DNTTIP2: variants seen among roughly 807,000 people sequenced by gnomAD.
DNTTIP2 encodes deoxynucleotidyltransferase terminal-interacting protein 2.
DNTTIP2 carries 47 observed loss-of-function variants against 62.4 expected under a neutral mutation model. The ratio of observed to expected loss-of-function variants is 0.75; its 90% CI spans 0.60 to 0.96. DNTTIP2 has a LOEUF of 0.96. DNTTIP2 is among the 40% of genes least tolerant of loss of function. The pLI is 0.00. For synonymous variants in DNTTIP2, 322 were observed against 300.9 expected, an observed-to-expected ratio of 1.07 and a Z score of -0.73; for missense variants, 870 against 849.1, an observed-to-expected ratio of 1.02 and a Z score of -0.31.
At chr1:93,871,379 C>T (rs12041975) in intron 5 of DNTTIP2, among the ~76,000 whole-genome samples, 58,710 of 152,050 alleles carry the variant, frequency 0.39, 11,865 homozygotes, top group East Asian at 0.62. Flanking sequence ...ACACTATAGA[C>T]GCTCTGAAGA....
In DNTTIP2 at chr1:93,877,688, T is replaced by C. The variant is rs771510906; in HGVS notation, c.247A>G (p.Thr83Ala). 1.2e-6 allele frequency: 2 copies of C among 1,613,854 alleles called. No homozygotes were observed. Among genetic ancestry groups the C allele is most frequent in the East Asian group, 2.2e-5 (1 of 44,900 alleles). Residue 83 changes from threonine (T) to alanine (A), a missense_variant, in exon 2 of 7, where the codon ACG (threonine) becomes GCG (alanine). Physicochemically the swap from Thr to Ala is moderately conservative, Grantham distance 58. Transcript: ENST00000436063. ...GSLPKGTEPS[T>A]DGETSEAESN... ...TCTGCCTCAGAGGTTTCTCCATCCG[T>C]AGATGGTTCAGTCCCCTTTGGTAGT... is the stretch of plus-strand genomic sequence containing the variant.
intron 4 of DNTTIP2, 30 bp from the exon 5 acceptor site, chr1:93,872,266 C>G: frequency 6.2e-7 from 1 of 1,607,790 alleles, no homozygotes; most frequent in African/African-American, 1.3e-5. Flanking sequence ...AATAAACATT[C>G]TAACAGCTAA....
Position 93,876,975 on chromosome 1 carries a change from C to T in DNTTIP2, c.960G>A (p.Leu320=). 6.2e-7 allele frequency: 1 copy of T among 1,612,878 alleles called. No homozygotes were observed. Among genetic ancestry groups the T allele is most frequent in the Non-Finnish European group, 8.5e-7 (1 of 1,179,650 alleles). The change falls in exon 2 of 7, where the codon CTG becomes CTA. Residue 320 remains leucine (L), a synonymous_variant. Transcript: ENST00000436063. The stretch of plus-strand genomic sequence containing the variant: ...TGTCCTGAAGTTCAGAAAGATTCTT[C>T]AGCTGAGAACTTTTCTCATTAATTT... ...GKEINEKSSQ[L]KNLSELQDTS... is the part of the protein sequence containing the mutation.
At chr1:93,878,366 T>A (rs1656071205) in intron 1 of DNTTIP2, among the ~76,000 whole-genome samples, 1 of 152,176 alleles carries the variant, frequency 6.6e-6, no homozygotes, top group African/African-American at 2.4e-5. Flanking sequence ...TTTACTTCAC[T>A]AGCCTCATCC....
rs756698276 is a variant in DNTTIP2, at chr1:93,869,096, T to G, written c.*755A>C. ...AAAGGAAGCTACAACTCACCAAGTA[T>G]CAACAGAAATGACCAACACTCCTTG... is the stretch of plus-strand genomic sequence containing the variant. On this transcript the variant is annotated 3_prime_UTR_variant, in exon 7 of 7. Coordinates refer to ENST00000436063, the MANE Select transcript of DNTTIP2 (RefSeq NM_014597.5). 1 of 152,116 alleles carries G rather than the reference T, an allele frequency of 6.6e-6. No individual in the cohort carries two copies. The highest frequency in any genetic ancestry group is 1.5e-5 in the Non-Finnish European group (1 of 68,040). The allele number at this position is 152,116 out of a possible 1,614,324, so 9.4% of individuals were successfully genotyped here. A position where few individuals can be genotyped will look rare whatever the true frequency, so the allele number is the denominator to read the frequency against.
At position 93,873,108 on chromosome 1, in the gene DNTTIP2, A is replaced by G. The variant is rs1655911699; in HGVS notation, c.1902+11T>C. On this transcript the variant is annotated intron_variant, in intron 4 of 6. Transcript: ENST00000436063. ...CATATCTAAGCATTTTAATTAAGTC[A>G]CTGTACTTACTCTGCGTTTTTTCTG... The G allele has an allele frequency of 6.4e-7, 1 of 1,572,488 alleles. No individual in the cohort carries two copies. The highest frequency in any genetic ancestry group is 2.2e-5 in the East Asian group (1 of 44,522).
rs1557719155 is a variant in DNTTIP2 at position 93,876,472 on chromosome 1, A to T, written c.1463T>A (p.Leu488Ter). The T allele has an allele frequency of 6.2e-7, 1 of 1,613,964 alleles. No homozygotes were observed. Among genetic ancestry groups the T allele is most frequent in the Non-Finnish European group, 8.5e-7 (1 of 1,179,882 alleles). Residue 488 changes from leucine to a stop codon, truncating the protein, a stop_gained, in exon 2 of 7, where the codon TTG becomes TAG. Coordinates refer to ENST00000436063, the MANE Select transcript of DNTTIP2 (RefSeq NM_014597.5). LOFTEE classifies it high-confidence loss of function. Reference protein sequence around the residue: ...DTGSLSCDNALFVIDTTPGMS... With the variant: ...DTGSLSCDNA ...TCCAGGAGTTGTGTCAATTACAAAC[A>T]ATGCATTGTCACATGACAGACTTCC...
intron 3 of DNTTIP2, among the ~76,000 whole-genome samples, chr1:93,873,607 A>G (rs555136983): frequency 1.2e-4 from 18 of 146,086 alleles, no homozygotes; most frequent in Non-Finnish European, 2.1e-4. Context: ...TCTCCCCCCA[A>G]ACCCAGCTCC....
Position 93,877,303 on chromosome 1 carries a change from T to G in DNTTIP2, c.632A>C (p.Lys211Thr), listed in dbSNP as rs748284000. 4 of 1,613,434 alleles carry G rather than the reference T, an allele frequency of 2.5e-6. No individual in the cohort carries two copies. In the African/African-American group the frequency reaches 5.3e-5, roughly 22 times the overall value. The change falls in exon 2 of 7, where the codon AAG becomes ACG. Residue 211 changes from lysine to threonine, a missense_variant. Lys to Thr is a moderately conservative substitution (Grantham distance 78). Transcript: ENST00000436063. ...ACTATCTTTCTTTTCAGTTTGTGCC[T>G]TTAATTTCCTCTGCATACTCCTGGT... ...RRTRSMQRKL[K>T]AQTEKKDSKI... is the part of the protein sequence containing the mutation.
intron 5 of DNTTIP2, among the ~76,000 whole-genome samples, chr1:93,871,214 C>A (rs1269459021): frequency 6.6e-6 from 1 of 152,184 alleles, no homozygotes; most frequent in Non-Finnish European, 1.5e-5. Flanking sequence ...ATACACTCAA[C>A]TGAATAAAAT....
chr1:93,877,586 A>G lies in DNTTIP2; in HGVS notation c.349T>C (p.Ser117Pro). The G allele has an allele frequency of 6.2e-7, 1 of 1,613,938 alleles. No individual in the cohort carries two copies. The highest frequency in any genetic ancestry group is 8.5e-7 in the Non-Finnish European group (1 of 1,179,888). The change falls in exon 2 of 7, where the codon TCC (serine) becomes CCC (proline). Residue 117 changes from serine (S) to proline (P), a missense_variant. Transcript: ENST00000436063. ...TRRRQILIACSPVSSVRKKPK... is the reference protein window; with the variant it reads ...TRRRQILIACPPVSSVRKKPK... ...TTTTTCCTAACACTGGACACTGGGGAGCATGCAATTAAGATCTGCCTTCTC... is the reference window on the plus strand; with the variant it reads ...TTTTTCCTAACACTGGACACTGGGGGGCATGCAATTAAGATCTGCCTTCTC...
rs189628526 is a variant in DNTTIP2, at chr1:93,876,430, T to G, written c.1505A>C (p.Asn502Thr). ...CTTGTCTTCCTCTTCCAAGTAAAAA[T>G]TTTTATCAGCACTCATTCCAGGAGT... is the stretch of plus-strand genomic sequence containing the variant. ...DTTPGMSADK[N>T]FYLEEEDKAS... The change falls in exon 2 of 7, where the codon AAT (asparagine) becomes ACT (threonine). Residue 502 changes from asparagine (N) to threonine (T), a missense_variant. By Grantham distance (65) the Asn-to-Thr change is moderately conservative. Transcript: ENST00000436063. The G allele has an allele frequency of 9.4e-5, 151 of 1,613,392 alleles. 2 individuals carry two copies. The African/African-American group carries it at 1.6e-3, about 17-fold the overall frequency.
intron 4 of DNTTIP2, among the ~76,000 whole-genome samples, chr1:93,872,583 T>A (rs1198785535): frequency 6.6e-6 from 1 of 152,184 alleles, no homozygotes; most frequent in African/African-American, 2.4e-5. Context: ...AAAAACACTT[T>A]CGTTTCTAGA....
chr1:93,879,131 A>G lies in DNTTIP2; in HGVS notation c.18T>C (p.Ser6=). Residue 6 remains serine, a synonymous_variant, in exon 1 of 7, where the codon TCT becomes TCC. Transcript: ENST00000436063. The part of the protein sequence containing the change: MVVTR[S]ARAKASIQAA... ...CTTGGATGCTGGCCTTAGCCCGTGC[A>G]GATCTGGTAACCACCATCTTTCCGG... is the stretch of plus-strand genomic sequence containing the variant. 6.2e-7 allele frequency: 1 copy of G among 1,613,500 alleles called. No homozygotes were observed. Among genetic ancestry groups the G allele is most frequent in the Non-Finnish European group, 8.5e-7 (1 of 1,179,818 alleles).
rs1177500798 is a variant in DNTTIP2 at position 93,877,606 on chromosome 1, C to G, written c.329G>C (p.Arg110Thr). ...TGGGGAGCATGCAATTAAGATCTGC[C>G]TTCTCCTAGTTACCCTTAAAATGGT... ...HDTILRVTRR[R>T]QILIACSPVS... The change falls in exon 2 of 7, where the codon AGG becomes ACG. Residue 110 changes from arginine (R) to threonine (T), a missense_variant. Transcript: ENST00000436063. The G allele has an allele frequency of 6.2e-7, 1 of 1,613,858 alleles. No individual in the cohort carries two copies. Among genetic ancestry groups the G allele is most frequent in the Non-Finnish European group, 8.5e-7 (1 of 1,179,894 alleles).
At chr1:93,877,917 G>A (rs1236049143) in intron 1 of DNTTIP2, 55 bp from the exon 2 acceptor site, 5 of 1,531,178 alleles carry the variant, frequency 3.3e-6, no homozygotes, top group Non-Finnish European at 2.6e-6. Flanking sequence ...CAAGGGCAAA[G>A]CAAATGAAAT....
chr1:93,867,860 A>C lies in DNTTIP2; in HGVS notation c.*1991T>G, dbSNP rs1016983067. On this transcript the variant is annotated 3_prime_UTR_variant, in exon 7 of 7. Coordinates refer to ENST00000436063, the MANE Select transcript of DNTTIP2 (RefSeq NM_014597.5). ...GAGAACAGACATAGATGCTTCCCTAACTCCAACTATGAATGTTATTGTCAG... is the reference window on the plus strand; with the variant it reads ...GAGAACAGACATAGATGCTTCCCTACCTCCAACTATGAATGTTATTGTCAG... 6.6e-6 allele frequency: 1 copy of C among 151,882 alleles called. No homozygotes were observed. The highest frequency in any genetic ancestry group is 1.5e-5 in the Non-Finnish European group (1 of 68,010). The allele number at this position is 151,882 out of a possible 1,614,324, so 9.4% of individuals were successfully genotyped here.
Position 93,877,206 on chromosome 1 carries a change from T to G in DNTTIP2, c.729A>C (p.Gln243His), listed in dbSNP as rs1000642110. The G allele has an allele frequency of 2.5e-6, 4 of 1,613,742 alleles. No homozygotes were observed. The highest frequency in any genetic ancestry group is 3.4e-6 in the Non-Finnish European group (4 of 1,179,890). Residue 243 changes from glutamine to histidine, a missense_variant, in exon 2 of 7, where the codon CAA becomes CAC. By Grantham distance (24) the Gln-to-His change is conservative. Transcript: ENST00000436063. ...PVNSEDSDTR[Q>H]TSHLQARSLS... is the part of the protein sequence containing the mutation. ...GAGATCTTGCTTGTAAATGGGAAGT[T>G]TGTCTGGTATCTGAATCCTCTGAAT... is the stretch of plus-strand genomic sequence containing the variant.
intron 1 of DNTTIP2, chr1:93,878,808 G>A (rs1024127009): frequency 2.1e-5 from 9 of 420,314 alleles, no homozygotes; most frequent in African/African-American, 4.1e-5. Context: ...TTAAAAGTTC[G>A]AACTGTGCTT....
Sources: gnomAD v4.1 joint callset for allele counts (sites outside exome capture counted in the v4.1 genomes callset) on GRCh38, gnomAD v4.1.1 for gene constraint, MANE v1.5 for transcripts, NCBI Gene and HGNC (gene_info 2026-07-23, HGNC 2026-07-21) for gene names.